The following FAT3 variants were observed in gnomAD, a reference collection of about 807,000 sequenced individuals.
FAT3 encodes the protein FAT atypical cadherin 3.
In FAT3, 95 loss-of-function variants were observed where a neutral mutation model predicts 310.2. The observed-to-expected ratio is 0.31, with a 90% CI of 0.26 to 0.36. The LOEUF is 0.36. Ranked by LOEUF, FAT3 falls within the 10% of genes least tolerant of loss-of-function variation. FAT3 has a pLI of 1.00. For missense variants in FAT3, 5,408 were observed against 5,715.6 expected (o/e 0.95, Z 1.74); for synonymous variants, 2,314 against 2,192.9 (o/e 1.06, Z -1.54).
intron 3 of FAT3, among the ~76,000 whole-genome samples, chr11:92,637,885 T>C (rs900531427): frequency 6.6e-6 from 1 of 152,212 alleles, no homozygotes; most frequent in Non-Finnish European, 1.5e-5. Flanking sequence ...CTGTCAGGCA[T>C]ATGGAGTTCC....
intron 1 of FAT3, among the ~76,000 whole-genome samples, chr11:92,317,476 A>G (rs1947494705): frequency 6.6e-6 from 1 of 152,190 alleles, no homozygotes; most frequent in African/African-American, 2.4e-5. Context: ...GGGAGAAAAG[A>G]TTGTTCTTTG....
At chr11:92,350,762 A>C (rs978240864) in intron 1 of FAT3, among the ~76,000 whole-genome samples, 3 of 152,194 alleles carry the variant, frequency 2.0e-5, no homozygotes, top group Non-Finnish European at 4.4e-5. Flanking sequence ...GATTAAATAC[A>C]ACAAAGTGGA....
intron 2 of FAT3, among the ~76,000 whole-genome samples, chr11:92,475,284 T>C (rs570602094): frequency 2.2e-4 from 34 of 152,334 alleles, no homozygotes; most frequent in Non-Finnish European, 7.3e-5. Flanking sequence ...TTCCAAGACA[T>C]GTTTCTTATC....
intron 3 of FAT3, among the ~76,000 whole-genome samples, chr11:92,614,905 C>T (rs2135639740): frequency 6.6e-6 from 1 of 152,330 alleles, no homozygotes; most frequent in South Asian, 2.1e-4. Flanking sequence ...AGAGATCCAA[C>T]TTCATTCATT....
intron 3 of FAT3, among the ~76,000 whole-genome samples, chr11:92,555,720 C>T (rs1226300931): frequency 2.6e-5 from 4 of 152,186 alleles, no homozygotes; most frequent in African/African-American, 4.8e-5. Flanking sequence ...GGGTCAGAGC[C>T]CTGCTCAGTC....
intron 3 of FAT3, among the ~76,000 whole-genome samples, chr11:92,577,625 C>A (rs1392791798): frequency 2.0e-5 from 3 of 152,100 alleles, no homozygotes; most frequent in Non-Finnish European, 4.4e-5. Flanking sequence ...TTATTAACAG[C>A]AGTCACCTTA....
At chr11:92,323,220 CAT>C (rs900807760) in intron 1 of FAT3, among the ~76,000 whole-genome samples, 14 of 151,604 alleles carry the variant, frequency 9.2e-5, no homozygotes, top group African/African-American at 2.2e-4. Context: ...CATATACATA[CAT>C]ATATATATGT....
intron 1 of FAT3, among the ~76,000 whole-genome samples, chr11:92,309,268 G>A (rs1281376634): frequency 2.0e-5 from 3 of 148,976 alleles, no homozygotes; most frequent in Non-Finnish European, 4.4e-5. Flanking sequence ...CCATATGTGG[G>A]TCACATCCTA....
chr11:92,818,270 C>A (rs971310849), intron 13 of FAT3, among the ~76,000 whole-genome samples: 2 of 152,074 alleles, frequency 1.3e-5, no homozygotes, highest in Non-Finnish European at 2.9e-5. Context: ...ACTAAATATA[C>A]TACCTTTGCA....
rs71305391 is a variant in FAT3, at chr11:92,658,922, T to TATCATC, written c.3608-38436_3608-38431dup. ...ACTCGCCTATTGTCATCATCGTCAT[T>TATCATC]ATCATCATCATCATCATCATCATCA... is the stretch of plus-strand genomic sequence containing the variant. On this transcript the variant is annotated intron_variant, in intron 3 of 27. Transcript: ENST00000525166. Among the ~76,000 whole-genome samples the TATCATC allele has an allele frequency of 4.8e-3, 719 of 149,812 alleles. 4 individuals are homozygous for TATCATC. The highest frequency in any genetic ancestry group is 0.034 in the South Asian group (161 of 4,680).
Position 92,798,226 on chromosome 11 carries a change from A to G in FAT3, c.5213A>G (p.Gln1738Arg). Residue 1738 changes from glutamine (Q) to arginine (R), a missense_variant, in exon 10 of 28, where the codon CAA becomes CGA. Physicochemically the swap from Gln to Arg is conservative, Grantham distance 43. This residue lies in a region of FAT3 where 4,588 missense variants were observed against 4,809.8 expected (regional missense o/e 0.95). Coordinates refer to ENST00000525166, the MANE Select transcript of FAT3 (RefSeq NM_001367949.2). ...ALDYERTSSY[Q>R]LIIQATNMAG... Reference sequence around the variant, plus strand: ...GATTATGAGCGCACATCCTCTTATCAACTCATCATTCAGGCCACCAATATG... The same window carrying G: ...GATTATGAGCGCACATCCTCTTATCGACTCATCATTCAGGCCACCAATATG... 1 of 1,613,932 alleles carries G rather than the reference A, an allele frequency of 6.2e-7. No homozygotes were observed. The highest frequency in any genetic ancestry group is 1.7e-5 in the Admixed American group (1 of 60,032).
chr11:92,870,307 GAC>G lies in FAT3; in HGVS notation c.12127+3102_12127+3103del, dbSNP rs1456833320. ...GAAGCCACAATTACTAGCTTGGAAT[GAC>G]ACAGTCAGCAGGTTTGATCAGCATT... On this transcript the variant is annotated intron_variant, in intron 22 of 27. Transcript: ENST00000525166. Among the ~76,000 whole-genome samples the G allele has an allele frequency of 4.6e-5, 7 of 152,296 alleles. No homozygotes were observed. The East Asian group carries it at 1.2e-3, about 25-fold the overall frequency.
intron 18 of FAT3, 45 bp downstream of exon 18, chr11:92,840,804 A>G: frequency 6.8e-7 from 1 of 1,471,714 alleles, no homozygotes; most frequent in Non-Finnish European, 9.1e-7. Flanking sequence ...TTTCTTTCTC[A>G]TGCTTGTTTC....
intron 1 of FAT3, among the ~76,000 whole-genome samples, chr11:92,320,880 A>AAAG (rs1555010870): frequency 1.6e-4 from 24 of 148,552 alleles, no homozygotes; most frequent in African/African-American, 5.5e-4. Context: ...AAAAAAAAAA[A>AAAG]GGGGGGGGTA....
At chr11:92,733,461 A>G (rs1354149892) in intron 4 of FAT3, among the ~76,000 whole-genome samples, 1 of 152,118 alleles carries the variant, frequency 6.6e-6, no homozygotes, top group African/African-American at 2.4e-5. Flanking sequence ...GATGAGGAAA[A>G]GACTTGAGGC....
intron 3 of FAT3, among the ~76,000 whole-genome samples, chr11:92,601,835 C>G (rs1940042959): frequency 6.6e-6 from 1 of 152,056 alleles, no homozygotes; most frequent in Non-Finnish European, 1.5e-5. Context: ...TTGATTCCCT[C>G]TGAAAGTTCA....
chr11:92,830,503 A>G (rs1331228718), intron 13 of FAT3, among the ~76,000 whole-genome samples: 4 of 151,954 alleles, frequency 2.6e-5, no homozygotes, highest in African/African-American at 7.3e-5. Flanking sequence ...TTTTCCCTCT[A>G]TAATCCCTTA....
In FAT3 at chr11:92,494,185, C is replaced by T. The variant is rs191233731; in HGVS notation, c.3293-30449C>T. Among the ~76,000 whole-genome samples the T allele has an allele frequency of 3.3e-5, 5 of 151,992 alleles. No homozygotes were observed. In the East Asian group the frequency reaches 5.8e-4, roughly 18 times the overall value. ...CTCATTGAGAACTCCCTCACTATCA[C>T]GAGAACAACATGGAGGAAACTGCCC... On this transcript the variant is annotated intron_variant, in intron 2 of 27. Transcript: ENST00000525166.
At chr11:92,665,127 A>AT (rs1942909896) in intron 3 of FAT3, among the ~76,000 whole-genome samples, 1 of 152,170 alleles carries the variant, frequency 6.6e-6, no homozygotes, top group Admixed American at 6.5e-5. Flanking sequence ...TCATTTTAAT[A>AT]TTGTAAGATG....
Sources: allele counts gnomAD v4.1 joint callset (sites outside exome capture counted in the v4.1 genomes callset), GRCh38; gene constraint gnomAD v4.1.1; regional missense constraint gnomAD v4.1.1; transcripts MANE v1.5; gene names NCBI Gene and HGNC (gene_info 2026-07-23, HGNC 2026-07-21).